Variants in MROH2A observed in about 807,000 individuals in gnomAD.
The protein encoded by MROH2A is maestro heat-like repeat-containing protein family member 2A.
Under a neutral mutation model 200.4 loss-of-function variants are expected in MROH2A, and 174 were observed. That is an observed-to-expected ratio of 0.87 (90% CI 0.77 to 0.98). The LOEUF is 0.98. Among genes scored for constraint, MROH2A ranks in the 50% least tolerant of loss-of-function variants. The probability of loss-of-function intolerance (pLI) is 0.00; values close to 1 mark genes in which losing one functional copy is unlikely to be tolerated. For missense variants in MROH2A, 2,045 were observed against 2,139.6 expected (o/e 0.96, Z 0.87); for synonymous variants, 829 against 840.4 (o/e 0.99, Z 0.23).
At chr2:233,832,051 G>C (rs893105923) in intron 39 of MROH2A, 126 bp from the exon 40 acceptor site, 3 of 715,384 alleles carry the variant, frequency 4.2e-6, no homozygotes, top group Non-Finnish European at 7.0e-6. Context: ...CTCACCTGCT[G>C]TGTGACGCTG....
intron 14 of MROH2A, among the ~76,000 whole-genome samples, 155 bp downstream of exon 14, chr2:233,800,470 C>T (rs950471975): frequency 6.6e-6 from 1 of 152,240 alleles, no homozygotes; most frequent in African/African-American, 2.4e-5. Context: ...TTACTCAAAA[C>T]CCAGTTCCAA....
chr2:233,832,743 G>T, intron 41 of MROH2A, 99 bp downstream of exon 41: 1 of 710,228 alleles, frequency 1.4e-6, no homozygotes. Flanking sequence ...AGGACCCTTT[G>T]CTGTGGGGTT....
intron 26 of MROH2A, 52 bp from the exon 27 acceptor site, chr2:233,816,729 G>T: frequency 7.7e-7 from 1 of 1,299,134 alleles, no homozygotes; most frequent in Non-Finnish European, 1.1e-6. Context: ...CCAGGAAAGG[G>T]CTGGCCCCAG....
chr2:233,787,534 TCATATATA>T (rs1486028319), intron 3 of MROH2A, among the ~76,000 whole-genome samples: 15 of 114,260 alleles, frequency 1.3e-4, no homozygotes, highest in African/African-American at 4.1e-4. Flanking sequence ...ATTACATATA[TCATATATA>T]CATATATATT....
At chr2:233,817,912 C>T (rs747048850) in intron 27 of MROH2A, 90 bp from the exon 28 acceptor site, 8 of 1,477,622 alleles carry the variant, frequency 5.4e-6, no homozygotes, top group Non-Finnish European at 7.3e-6. Context: ...AGGGTTTGCC[C>T]TATCAAGTTG....
chr2:233,812,042 T>C, intron 24 of MROH2A, 83 bp downstream of exon 24: 1 of 977,854 alleles, frequency 1.0e-6, no homozygotes, highest in Non-Finnish European at 1.6e-6. Flanking sequence ...TCAGGGGTTG[T>C]GCCTCCTTTT....
intron 3 of MROH2A, among the ~76,000 whole-genome samples, chr2:233,787,507 A>G (rs1026996409): frequency 1.6e-5 from 2 of 127,076 alleles, no homozygotes; most frequent in Non-Finnish European, 3.1e-5. Flanking sequence ...ATACATATAT[A>G]TTATATATAC....
chr2:233,826,888 C>G (rs1484835891), intron 35 of MROH2A, among the ~76,000 whole-genome samples: 1 of 152,090 alleles, frequency 6.6e-6, no homozygotes, highest in Non-Finnish European at 1.5e-5. Context: ...AAAAAACAAA[C>G]AATCCTATTA....
chr2:233,806,139 A>T lies in MROH2A; in HGVS notation c.2052+1028A>T, dbSNP rs112513712. On this transcript the variant is annotated intron_variant, in intron 19 of 41. Coordinates refer to ENST00000389758, the MANE Select transcript of MROH2A (RefSeq NM_001394639.1). ...AAAAAGAAGCACATTAAGGAAGAAC[A>T]TGTTCTTCCATAACAGATCAAAGAC... 4.5e-3 allele frequency among the ~76,000 whole-genome samples: 684 copies of T among 152,300 alleles called. 6 individuals are homozygous for T. The highest frequency in any genetic ancestry group is 0.016 in the African/African-American group (653 of 41,568).
At position 233,818,056 on chromosome 2, in the gene MROH2A, A is replaced by C. The variant is rs924025128; in HGVS notation, c.3016A>C (p.Thr1006Pro). 4 of 1,550,868 alleles carry C rather than the reference A, an allele frequency of 2.6e-6. No individual in the cohort carries two copies. In the African/African-American group the frequency reaches 5.5e-5, roughly 21 times the overall value. ...AATGGTCGGACTCATTGCCCCGTGC[A>C]CCTGTGATGCCCATCAAAGAACCCG... ...GTMVGLIAPC[T>P]CDAHQRTRMA... The change falls in exon 28 of 42, where the codon ACC (threonine) becomes CCC (proline). Residue 1006 changes from threonine (T) to proline (P), a missense_variant. Transcript: ENST00000389758.
chr2:233,798,900 G>A (rs1233424598), intron 12 of MROH2A, 50 bp downstream of exon 12: 2 of 1,432,522 alleles, frequency 1.4e-6, no homozygotes, highest in Admixed American at 3.9e-5. Flanking sequence ...GACCCTGCCA[G>A]GGAGGCAAAG....
At chr2:233,782,636 G>A (rs1214639185) in intron 3 of MROH2A, among the ~76,000 whole-genome samples, 1 of 152,156 alleles carries the variant, frequency 6.6e-6, no homozygotes, top group African/African-American at 2.4e-5. Context: ...TATTTTTCTA[G>A]TATGAGATCG....
chr2:233,820,181 G>T lies in MROH2A; in HGVS notation c.3512+125G>T. 1 of 823,440 alleles carries T rather than the reference G, an allele frequency of 1.2e-6. No individual in the cohort carries two copies. The highest frequency in any genetic ancestry group is 1.7e-6 in the Non-Finnish European group (1 of 576,174). The allele number at this position is 823,440 out of a possible 1,614,324, so 51.0% of individuals were successfully genotyped here. ...ACCCTGCCCCACCCTGAAGGAGGTC[G>T]AAGCCCTCTTCCTGTACCTCCTGCA... On this transcript the variant is annotated intron_variant, in intron 31 of 41. Coordinates refer to ENST00000389758, the MANE Select transcript of MROH2A (RefSeq NM_001394639.1). The surrounding 1 kb of genome is among the most constrained non-coding windows in gnomAD (Gnocchi z 4.1).
chr2:233,793,872 C>G (rs1374573873), intron 7 of MROH2A, 48 bp downstream of exon 7: 1 of 1,344,688 alleles, frequency 7.4e-7, no homozygotes, highest in Admixed American at 3.7e-5. Context: ...CAGGCCACAG[C>G]TCCCCAGCCT....
intron 8 of MROH2A, 90 bp from the exon 9 acceptor site, chr2:233,795,563 T>C (rs1702050956): frequency 2.6e-6 from 4 of 1,536,912 alleles, no homozygotes; most frequent in Admixed American, 2.0e-5. Context: ...TGGTGCTCAG[T>C]GGGTCAGTGG....
At chr2:233,796,092 G>C in intron 10 of MROH2A, 47 bp downstream of exon 10, 1 of 1,541,378 alleles carries the variant, frequency 6.5e-7, no homozygotes, top group East Asian at 2.4e-5. Flanking sequence ...GAGGCCTGCA[G>C]GAGGCCTGTA....
intron 5 of MROH2A, among the ~76,000 whole-genome samples, chr2:233,792,079 C>A (rs1701801889): frequency 1.3e-5 from 2 of 152,130 alleles, no homozygotes. Context: ...CTCCCTGCTT[C>A]TGTGTTCGCC....
Position 233,829,749 on chromosome 2 carries a change from CA to C in MROH2A, c.4577del (p.Gln1526ArgfsTer42). ...CTGGATCCCCCTCATGCTGCACTCC[CA>C]GGACCCCTGCTCCAATGCAGCCCAA... ...KAWIPLMLHS[Q>X]DPCSNAAQAC... On this transcript the variant is annotated frameshift_variant, in exon 38 of 42. Coordinates refer to ENST00000389758, the MANE Select transcript of MROH2A (RefSeq NM_001394639.1). LOFTEE classifies it high-confidence loss of function. The C allele has an allele frequency of 7.0e-7, 1 of 1,433,030 alleles. No individual in the cohort carries two copies. Among genetic ancestry groups the C allele is most frequent in the Non-Finnish European group, 9.2e-7 (1 of 1,088,836 alleles). The allele number at this position is 1,433,030 out of a possible 1,614,324, so 88.8% of individuals were successfully genotyped here.
rs1244993067 is a variant in MROH2A at position 233,792,910 on chromosome 2, G to A, written c.670+16G>A. 3.2e-6 allele frequency: 5 copies of A among 1,550,184 alleles called. No homozygotes were observed. Among genetic ancestry groups the A allele is most frequent in the East Asian group, 2.4e-5 (1 of 40,942 alleles). ...ATCTGCAGTGGTGAGTGTCCCACTT[G>A]AGCCTGCAGGTCTGGCTCGATCAGG... On this transcript the variant is annotated intron_variant, in intron 6 of 41. Coordinates refer to ENST00000389758, the MANE Select transcript of MROH2A (RefSeq NM_001394639.1).
Sources: gnomAD v4.1 joint callset for allele counts (sites outside exome capture counted in the v4.1 genomes callset) on GRCh38, gnomAD v4.1.1 for gene constraint, Gnocchi (gnomAD v3.1) non-coding constraint, MANE v1.5 for transcripts, NCBI Gene and HGNC (gene_info 2026-07-23, HGNC 2026-07-21) for gene names.